GYS2: variants seen among roughly 807,000 people sequenced by gnomAD.
GYS2 encodes the protein glycogen [starch] synthase, liver.
In GYS2, 80 loss-of-function variants were observed where a neutral mutation model predicts 85.6. The ratio of observed to expected loss-of-function variants is 0.93; its 90% confidence interval spans 0.78 to 1.13. The LOEUF (loss-of-function observed/expected upper bound fraction) is 1.13, where lower values mean the gene tolerates loss of function less well. Ranked by LOEUF, GYS2 falls within the 50% of genes most tolerant of loss-of-function variation. The pLI, the probability that GYS2 is intolerant of heterozygous loss-of-function variation, is 0.00. For missense variants in GYS2, 881 were observed against 854.9 expected, an observed-to-expected ratio of 1.03 and a Z score of -0.38; for synonymous variants, 328 against 300.7, an observed-to-expected ratio of 1.09 and a Z score of -0.94.
At chr12:21,543,693 GT>G (rs1367923548) in intron 12 of GYS2, among the ~76,000 whole-genome samples, 1 of 152,166 alleles carries the variant, frequency 6.6e-6, no homozygotes, top group East Asian at 1.9e-4. Flanking sequence ...CATCGTCTAG[GT>G]TTTAAGCCCT....
intron 5 of GYS2, among the ~76,000 whole-genome samples, chr12:21,565,880 T>A (rs1325649289): frequency 6.6e-6 from 1 of 152,060 alleles, no homozygotes; most frequent in South Asian, 2.1e-4. Context: ...TAAAGGATGG[T>A]ATTAGCTAGA....
intron 1 of GYS2, among the ~76,000 whole-genome samples, chr12:21,589,707 A>G (rs925027197): frequency 2.0e-5 from 3 of 152,128 alleles, no homozygotes; most frequent in African/African-American, 7.2e-5. Flanking sequence ...TATGGACTCC[A>G]GGAATCCTAG....
chr12:21,559,612 C>A (rs189151632), intron 9 of GYS2, 39 bp downstream of exon 9: 4 of 1,075,528 alleles, frequency 3.7e-6, no homozygotes, highest in Non-Finnish European at 4.4e-6. Context: ...AATAGTGAAA[C>A]CTTAAGTGAT....
In GYS2 at chr12:21,570,646, G is replaced by C. The variant is rs557047877; in HGVS notation, c.679-1637C>G. Reference sequence around the variant, plus strand: ...CTAGCTGCCCTAAAGAACAAGTATAGAAAATGCTATGGCATGTGCAGAAAA... The same window carrying C: ...CTAGCTGCCCTAAAGAACAAGTATACAAAATGCTATGGCATGTGCAGAAAA... On this transcript the variant is annotated intron_variant, in intron 4 of 15. Coordinates refer to ENST00000261195, the MANE Select transcript of GYS2 (RefSeq NM_021957.4). Among the ~76,000 whole-genome samples, 214 of 152,318 alleles carry C rather than the reference G, an allele frequency of 1.4e-3. 2 individuals are homozygous for C. Among genetic ancestry groups the C allele is most frequent in the African/African-American group, 4.8e-3 (200 of 41,558 alleles).
At chr12:21,573,420 TTTG>T (rs1335038085) in intron 4 of GYS2, among the ~76,000 whole-genome samples, 1 of 152,196 alleles carries the variant, frequency 6.6e-6, no homozygotes, top group Non-Finnish European at 1.5e-5. Context: ...ACTCAAACAT[TTTG>T]TTAATATTAT....
chr12:21,542,413 G>A, intron 13 of GYS2, 83 bp downstream of exon 13: 2 of 844,746 alleles, frequency 2.4e-6, no homozygotes. Context: ...GATAGCTTTA[G>A]AGTTAGGCTC....
At chr12:21,559,440 T>C (rs1484652656) in intron 9 of GYS2, among the ~76,000 whole-genome samples, 1 of 152,186 alleles carries the variant, frequency 6.6e-6, no homozygotes, top group East Asian at 1.9e-4. Flanking sequence ...AATTAGAACT[T>C]GCCTGCATAT....
intron 1 of GYS2, among the ~76,000 whole-genome samples, chr12:21,596,240 C>A (rs569997853): frequency 4.6e-4 from 70 of 152,148 alleles, no homozygotes; most frequent in Middle Eastern, 3.4e-3. Context: ...AAGGAACCTG[C>A]CCTAATTCAT....
chr12:21,585,598 C>A (rs898546958), intron 1 of GYS2, among the ~76,000 whole-genome samples: 1 of 149,708 alleles, frequency 6.7e-6, no homozygotes, highest in Non-Finnish European at 1.5e-5. Context: ...TGCTGAGGTG[C>A]TTGCTGAGGG....
At chr12:21,585,983 G>C (rs1944568429) in intron 1 of GYS2, among the ~76,000 whole-genome samples, 1 of 152,162 alleles carries the variant, frequency 6.6e-6, no homozygotes, top group South Asian at 2.1e-4. Flanking sequence ...GATGTGTATA[G>C]GCTCAAGTTG....
chr12:21,533,108 T>G (rs1343087871), downstream of GYS2, among the ~76,000 whole-genome samples: 2 of 152,358 alleles, frequency 1.3e-5, no homozygotes, highest in East Asian at 3.9e-4. Context: ...CACAGATACA[T>G]GCACTAGAAT....
chr12:21,579,884 G>A (rs1343189523), intron 2 of GYS2, among the ~76,000 whole-genome samples: 1 of 152,086 alleles, frequency 6.6e-6, no homozygotes, highest in African/African-American at 2.4e-5. Context: ...ATAAAAGGTA[G>A]CATATTCACA....
chr12:21,546,156 C>G (rs141818769), intron 12 of GYS2, among the ~76,000 whole-genome samples, 188 bp downstream of exon 12: 108 of 152,186 alleles, frequency 7.1e-4, no homozygotes, highest in African/African-American at 2.5e-3. Context: ...AATCTTCATC[C>G]TTATTCTTAA....
At chr12:21,538,841 C>T (rs764561287) in intron 15 of GYS2, among the ~76,000 whole-genome samples, 1 of 152,150 alleles carries the variant, frequency 6.6e-6, no homozygotes, top group Non-Finnish European at 1.5e-5. Context: ...GATGAATGGA[C>T]CATAAATGCT....
chr12:21,568,220 G>A (rs902343354), intron 5 of GYS2, among the ~76,000 whole-genome samples: 2 of 152,168 alleles, frequency 1.3e-5, no homozygotes, highest in African/African-American at 4.8e-5. Context: ...ACTACCAATA[G>A]CTTTGAGTTA....
intron 4 of GYS2, among the ~76,000 whole-genome samples, chr12:21,571,798 T>C (rs1290889426): frequency 1.3e-5 from 2 of 151,920 alleles, no homozygotes; most frequent in African/African-American, 2.4e-5. Context: ...TCGTCTCTAC[T>C]AAAAATACAA....
At chr12:21,551,013 A>AAAT (rs1555154968) in intron 11 of GYS2, among the ~76,000 whole-genome samples, 21,428 of 151,484 alleles carry the variant, frequency 0.14, 1,836 homozygotes, top group African/African-American at 0.22. Context: ...TTTTTTTTTA[A>AAAT]TTTTTTTTTA....
chr12:21,549,092 G>A (rs530952056), intron 11 of GYS2, among the ~76,000 whole-genome samples: 3 of 152,138 alleles, frequency 2.0e-5, no homozygotes, highest in Admixed American at 6.6e-5. Flanking sequence ...TACAATGTGA[G>A]TGGCACAAAA....
chr12:21,568,098 A>G (rs1269974119), intron 5 of GYS2, among the ~76,000 whole-genome samples: 3 of 152,054 alleles, frequency 2.0e-5, no homozygotes, highest in Non-Finnish European at 4.4e-5. Context: ...AAGGGGTCGA[A>G]ATCACTGTGG....
Sources: allele counts gnomAD v4.1 joint callset (sites outside exome capture counted in the v4.1 genomes callset), GRCh38; gene constraint gnomAD v4.1.1; transcripts MANE v1.5; gene names NCBI Gene and HGNC (gene_info 2026-07-23, HGNC 2026-07-21).